Variants in CDIN1 observed in about 807,000 individuals in gnomAD.
The protein encoded by CDIN1 is CDAN1-interacting nuclease 1.
Under a neutral mutation model 45.3 loss-of-function variants are expected in CDIN1, and 33 were observed. The observed-to-expected ratio is 0.73, with a 90% CI of 0.55 to 0.97. The LOEUF is 0.97. Ranked by LOEUF, CDIN1 falls within the 50% of genes least tolerant of loss-of-function variation. CDIN1 has a pLI of 0.00. For missense variants in CDIN1, 303 were observed against 339.4 expected (o/e 0.89, Z 0.84); for synonymous variants, 118 against 124.4 (o/e 0.95, Z 0.34).
chr15:36,697,570 C>T (rs773360978), intron 8 of CDIN1, among the ~76,000 whole-genome samples, 180 bp downstream of exon 8: 5 of 152,066 alleles, frequency 3.3e-5, no homozygotes, highest in Non-Finnish European at 7.3e-5. Context: ...ACAGCACATG[C>T]ACAAGCTTGC....
At chr15:36,692,847 A>G (rs757097330) in intron 7 of CDIN1, among the ~76,000 whole-genome samples, 15 of 152,248 alleles carry the variant, frequency 9.9e-5, no homozygotes, top group Non-Finnish European at 1.3e-4. Context: ...GTAACTACAT[A>G]AAGTAGGACA....
In CDIN1 at chr15:36,589,099, A is replaced by C. The variant is rs148044638; in HGVS notation, c.101+9138A>C. Reference sequence around the variant, plus strand: ...ATTTCTCTAGGGGAAAAAAAGGTTCAATAGAAGTATAGTTTAATAATATTT... The same window carrying C: ...ATTTCTCTAGGGGAAAAAAAGGTTCCATAGAAGTATAGTTTAATAATATTT... On this transcript the variant is annotated intron_variant, in intron 1 of 10. Coordinates refer to ENST00000566621, the MANE Select transcript of CDIN1 (RefSeq NM_001321759.2). Among the ~76,000 whole-genome samples, 1,119 of 152,306 alleles carry C rather than the reference A, an allele frequency of 7.3e-3. 24 individuals are homozygous for C. The highest frequency in any genetic ancestry group is 0.025 in the African/African-American group (1,051 of 41,572).
intron 5 of CDIN1, among the ~76,000 whole-genome samples, chr15:36,673,616 C>A (rs2140555454): frequency 6.6e-6 from 1 of 152,106 alleles, no homozygotes; most frequent in East Asian, 1.9e-4. Context: ...ATGTACCAAA[C>A]CAGCCAGTAT....
At chr15:36,653,017 TTTA>T (rs1484587577) in intron 3 of CDIN1, among the ~76,000 whole-genome samples, 1 of 152,234 alleles carries the variant, frequency 6.6e-6, no homozygotes, top group Non-Finnish European at 1.5e-5. Flanking sequence ...AAGGTGATTT[TTTA>T]TTATATAATC....
chr15:36,781,063 T>C (rs2054339887), intron 10 of CDIN1, among the ~76,000 whole-genome samples: 1 of 152,206 alleles, frequency 6.6e-6, no homozygotes, highest in African/African-American at 2.4e-5. Context: ...CAGGAAAGAT[T>C]GTTAAATAAT....
At chr15:36,616,937 A>G (rs536867966) in intron 1 of CDIN1, among the ~76,000 whole-genome samples, 161 of 152,108 alleles carry the variant, frequency 1.1e-3, no homozygotes, top group African/African-American at 3.8e-3. Context: ...AAAAATATAT[A>G]TATATATAAT....
chr15:36,753,572 TTTG>T (rs2053530879), intron 10 of CDIN1, among the ~76,000 whole-genome samples: 1 of 151,908 alleles, frequency 6.6e-6, no homozygotes, highest in Non-Finnish European at 1.5e-5. Context: ...ATCAATGGTA[TTTG>T]CATAGACAAA....
At chr15:36,692,053 T>C in intron 6 of CDIN1, 73 bp from the exon 7 acceptor site, 1 of 1,446,274 alleles carries the variant, frequency 6.9e-7, no homozygotes, top group Non-Finnish European at 9.5e-7. Context: ...TAATTACTGC[T>C]TTTAGGATAT....
At chr15:36,709,134 T>C in intron 8 of CDIN1, 89 bp from the exon 9 acceptor site, 1 of 1,110,194 alleles carries the variant, frequency 9.0e-7, no homozygotes, top group South Asian at 1.9e-5. Context: ...GTAGTAATTT[T>C]TATACATATT....
At chr15:36,794,765 T>C (rs930106356) in intron 10 of CDIN1, among the ~76,000 whole-genome samples, 3 of 152,214 alleles carry the variant, frequency 2.0e-5, no homozygotes, top group Admixed American at 6.5e-5. Context: ...AAAACAAAGA[T>C]GAACTATTAA....
At position 36,610,851 on chromosome 15, in the gene CDIN1, C is replaced by T. The variant is rs950516504; in HGVS notation, c.101+30890C>T. On this transcript the variant is annotated intron_variant, in intron 1 of 10. Transcript: ENST00000566621. Reference sequence around the variant, plus strand: ...TTTAGAACTTATTGGCCAGCCAGGTCAGACATTATTAAAGTTCAAGGGGTC... The same window carrying T: ...TTTAGAACTTATTGGCCAGCCAGGTTAGACATTATTAAAGTTCAAGGGGTC... 4.6e-5 allele frequency among the ~76,000 whole-genome samples: 7 copies of T among 152,280 alleles called. No homozygotes were observed. In the East Asian group the frequency reaches 1.3e-3, roughly 29 times the overall value.
At chr15:36,735,502 TTTTA>T (rs1323978764) in intron 10 of CDIN1, among the ~76,000 whole-genome samples, 3 of 152,094 alleles carry the variant, frequency 2.0e-5, no homozygotes, top group African/African-American at 4.8e-5. Flanking sequence ...TTTAAATCAT[TTTTA>T]TTTGAGATTA....
At chr15:36,586,337 G>C (rs1331158932) in intron 1 of CDIN1, among the ~76,000 whole-genome samples, 1 of 151,808 alleles carries the variant, frequency 6.6e-6, no homozygotes, top group Non-Finnish European at 1.5e-5. Context: ...AGCATCCATT[G>C]ACTTTTTCAT....
At chr15:36,651,110 C>T (rs1233394477) in intron 3 of CDIN1, among the ~76,000 whole-genome samples, 1 of 152,070 alleles carries the variant, frequency 6.6e-6, no homozygotes, top group Non-Finnish European at 1.5e-5. Context: ...TAGTTGGTAT[C>T]AACTCAATGC....
intron 1 of CDIN1, among the ~76,000 whole-genome samples, chr15:36,597,441 C>G (rs2037890575): frequency 6.6e-6 from 1 of 152,130 alleles, no homozygotes; most frequent in Non-Finnish European, 1.5e-5. Flanking sequence ...CATATAAACC[C>G]TGCATTATGG....
intron 10 of CDIN1, among the ~76,000 whole-genome samples, chr15:36,770,038 C>G (rs965776928): frequency 2.0e-5 from 3 of 152,070 alleles, no homozygotes; most frequent in African/African-American, 7.2e-5. Context: ...ATTATTTCTC[C>G]CCTTTCAGCC....
At chr15:36,592,395 A>T (rs1479979004) in intron 1 of CDIN1, among the ~76,000 whole-genome samples, 3 of 152,100 alleles carry the variant, frequency 2.0e-5, no homozygotes, top group Non-Finnish European at 2.9e-5. Context: ...ACCACCCCTC[A>T]CTACCAAAGG....
intron 5 of CDIN1, among the ~76,000 whole-genome samples, chr15:36,664,631 C>T (rs1308971315): frequency 6.6e-6 from 1 of 152,262 alleles, no homozygotes; most frequent in East Asian, 1.9e-4. Flanking sequence ...ACTGCAAGCT[C>T]TGCCTCCCGG....
chr15:36,609,342 G>A (rs531798898), intron 1 of CDIN1, among the ~76,000 whole-genome samples: 3 of 152,274 alleles, frequency 2.0e-5, no homozygotes, highest in Admixed American at 6.5e-5. Context: ...TATCATCTAA[G>A]TTGACAATTT....
Sources: gnomAD v4.1 joint callset for allele counts (sites outside exome capture counted in the v4.1 genomes callset) on GRCh38, gnomAD v4.1.1 for gene constraint, MANE v1.5 for transcripts, NCBI Gene and HGNC (gene_info 2026-07-23, HGNC 2026-07-21) for gene names.